The following TSHZ2 variants were observed in gnomAD, a reference collection of about 807,000 sequenced individuals.
TSHZ2 encodes the protein teashirt homolog 2.
Under a neutral mutation model 74.4 loss-of-function variants are expected in TSHZ2, and 21 were observed. The observed-to-expected ratio is 0.28, with a 90% CI of 0.20 to 0.41. The LOEUF (loss-of-function observed/expected upper bound fraction) is 0.41. Ranked by LOEUF, TSHZ2 falls within the 10% of genes least tolerant of loss-of-function variation. The pLI is 1.00. For missense variants in TSHZ2, 1,244 were observed against 1,293.5 expected, an observed-to-expected ratio of 0.96 and a Z score of 0.59; for synonymous variants, 540 against 515.3, an observed-to-expected ratio of 1.05 and a Z score of -0.65.
chr20:53,400,860 C>G (rs1382193716), intron 2 of TSHZ2, among the ~76,000 whole-genome samples: 1 of 152,192 alleles, frequency 6.6e-6, no homozygotes, highest in Non-Finnish European at 1.5e-5. Context: ...GTATCATCCA[C>G]CTCCGTTATC....
At chr20:53,401,562 G>A (rs1309321260) in intron 2 of TSHZ2, among the ~76,000 whole-genome samples, 5 of 90,344 alleles carry the variant, frequency 5.5e-5, no homozygotes, top group Non-Finnish European at 1.1e-4. Flanking sequence ...CCTCCCCCCC[G>A]AGTCCCCAAA....
intron 1 of TSHZ2, among the ~76,000 whole-genome samples, chr20:53,036,723 T>C (rs1402821713): frequency 2.0e-5 from 3 of 147,818 alleles, no homozygotes; most frequent in African/African-American, 7.4e-5. Context: ...ATATTATATA[T>C]GTATTTATAA....
intron 1 of TSHZ2, among the ~76,000 whole-genome samples, chr20:53,067,818 G>T (rs1407564148): frequency 2.0e-5 from 3 of 152,190 alleles, no homozygotes; most frequent in Admixed American, 6.5e-5. Flanking sequence ...AAACTGGGTG[G>T]CTTAAAATCA....
intron 2 of TSHZ2, among the ~76,000 whole-genome samples, chr20:53,280,096 AT>A (rs1311212851): frequency 1.3e-5 from 2 of 152,262 alleles, no homozygotes; most frequent in East Asian, 3.9e-4. Context: ...CCCAATGGGC[AT>A]TTTTGAAGAT....
At chr20:53,354,482 G>C (rs750768373) in intron 2 of TSHZ2, among the ~76,000 whole-genome samples, 3 of 152,206 alleles carry the variant, frequency 2.0e-5, no homozygotes, top group Admixed American at 1.3e-4. Flanking sequence ...TTAAGCACAA[G>C]AAGATGACTC....
At chr20:53,159,859 G>C (rs115118380) in intron 1 of TSHZ2, among the ~76,000 whole-genome samples, 61 of 152,284 alleles carry the variant, frequency 4.0e-4, no homozygotes, top group African/African-American at 1.5e-3. Context: ...CATGTTCCAT[G>C]CTGAGCAAAT....
At chr20:53,342,796 G>A (rs912368801) in intron 2 of TSHZ2, among the ~76,000 whole-genome samples, 2 of 151,882 alleles carry the variant, frequency 1.3e-5, no homozygotes, top group Non-Finnish European at 2.9e-5. Flanking sequence ...TGACCCGTTT[G>A]GAGGAATATT....
At chr20:53,333,458 T>TC (rs1568872264) in intron 2 of TSHZ2, among the ~76,000 whole-genome samples, 4 of 151,384 alleles carry the variant, frequency 2.6e-5, no homozygotes, top group South Asian at 2.1e-4. Flanking sequence ...AAGCATGGTT[T>TC]CTTTTTTTTT....
At chr20:53,419,675 A>G (rs1983396459) in intron 2 of TSHZ2, among the ~76,000 whole-genome samples, 1 of 152,238 alleles carries the variant, frequency 6.6e-6, no homozygotes, top group African/African-American at 2.4e-5. Context: ...CGGGCAGTCA[A>G]TAACAAATAG....
intron 2 of TSHZ2, among the ~76,000 whole-genome samples, chr20:53,410,833 G>A (rs184482222): frequency 5.9e-5 from 9 of 151,858 alleles, no homozygotes; most frequent in African/African-American, 7.2e-5. Flanking sequence ...GCACCAGGAC[G>A]CCTGGGTAAC....
chr20:53,428,926 C>A (rs911301338), intron 2 of TSHZ2, among the ~76,000 whole-genome samples: 1 of 152,216 alleles, frequency 6.6e-6, no homozygotes, highest in South Asian at 2.1e-4. Context: ...GGTGACCATA[C>A]TGTGGAGGTC....
At chr20:53,050,157 A>G (rs1422783762) in intron 1 of TSHZ2, among the ~76,000 whole-genome samples, 2 of 43,622 alleles carry the variant, frequency 4.6e-5, no homozygotes, top group East Asian at 2.7e-3. Context: ...ATATATACAC[A>G]TATATATGTA....
At chr20:53,236,783 C>T (rs1989949128) in intron 1 of TSHZ2, among the ~76,000 whole-genome samples, 1 of 152,216 alleles carries the variant, frequency 6.6e-6, no homozygotes, top group Admixed American at 6.5e-5. Context: ...GAGAAGCAAA[C>T]ATGTCCTTCT....
At chr20:53,152,850 C>A (rs534065436) in intron 1 of TSHZ2, among the ~76,000 whole-genome samples, 2 of 152,166 alleles carry the variant, frequency 1.3e-5, no homozygotes, top group South Asian at 4.1e-4. Context: ...TTCAAGTAAA[C>A]ATAATTACAT....
At chr20:53,117,260 C>T (rs189659116) in intron 1 of TSHZ2, among the ~76,000 whole-genome samples, 2 of 152,262 alleles carry the variant, frequency 1.3e-5, no homozygotes, top group African/African-American at 4.8e-5. Context: ...AGGTTCCTGG[C>T]CAATATCATC....
chr20:52,980,134 T>C (rs1440395970), intron 1 of TSHZ2, among the ~76,000 whole-genome samples: 3 of 152,206 alleles, frequency 2.0e-5, no homozygotes, highest in Non-Finnish European at 4.4e-5. Context: ...AATGTGGGCA[T>C]GCAAACCAAA....
At chr20:53,154,699 C>T (rs1289926403) in intron 1 of TSHZ2, among the ~76,000 whole-genome samples, 2 of 152,106 alleles carry the variant, frequency 1.3e-5, no homozygotes, top group Non-Finnish European at 2.9e-5. Flanking sequence ...ACACACTTCC[C>T]GTATGATTCT....
intron 1 of TSHZ2, among the ~76,000 whole-genome samples, chr20:53,213,397 C>T (rs756089603): frequency 5.3e-5 from 8 of 152,172 alleles, no homozygotes; most frequent in African/African-American, 1.4e-4. Flanking sequence ...CTGGATGCTT[C>T]GTTACAACTA....
At chr20:53,276,470 C>T (rs572612025) in intron 2 of TSHZ2, among the ~76,000 whole-genome samples, 33 of 152,190 alleles carry the variant, frequency 2.2e-4, no homozygotes, top group Non-Finnish European at 3.8e-4. Context: ...GAACCATGGT[C>T]AGGCTGCCTG....
Sources: allele counts gnomAD v4.1 joint callset (sites outside exome capture counted in the v4.1 genomes callset), GRCh38; gene constraint gnomAD v4.1.1; transcripts MANE v1.5; gene names NCBI Gene and HGNC (gene_info 2026-07-23, HGNC 2026-07-21).